The following CD8B2 variants were observed in gnomAD, a reference collection of about 807,000 sequenced individuals.
CD8B2 encodes T-cell surface glycoprotein CD8 beta-2 chain.
CD8B2 carries 11 observed loss-of-function variants against 23.7 expected under a neutral mutation model. The ratio of observed to expected loss-of-function variants is 0.46; its 90% CI spans 0.29 to 0.77. The LOEUF is 0.77. Ranked by LOEUF, CD8B2 falls within the 30% of genes least tolerant of loss-of-function variation. The pLI is 0.09. For synonymous variants in CD8B2, 90 were observed against 109.3 expected, an observed-to-expected ratio of 0.82 and a Z score of 1.10; for missense variants, 197 against 270.5, an observed-to-expected ratio of 0.73 and a Z score of 1.91.
intron 5 of CD8B2, among the ~76,000 whole-genome samples, chr2:106,531,859 A>G (rs926917837): frequency 6.6e-6 from 1 of 152,192 alleles, no homozygotes; most frequent in African/African-American, 2.4e-5. Context: ...TAGAACAAAC[A>G]AGCTACATCC....
At chr2:106,490,326 A>G (rs1407366923) in intron 1 of CD8B2, among the ~76,000 whole-genome samples, 2 of 152,004 alleles carry the variant, frequency 1.3e-5, no homozygotes, top group Non-Finnish European at 1.5e-5. Flanking sequence ...TGAACAAGTA[A>G]CTTCATGCCT....
intron 2 of CD8B2, among the ~76,000 whole-genome samples, chr2:106,493,436 C>T (rs145609679): frequency 0.063 from 9,653 of 152,248 alleles, 326 homozygotes; most frequent in Middle Eastern, 0.13. Flanking sequence ...ACCCAGGCGG[C>T]GGTGCCCAGC....
intron 5 of CD8B2, among the ~76,000 whole-genome samples, chr2:106,536,287 C>T (rs1680088157): frequency 6.6e-6 from 1 of 152,118 alleles, no homozygotes; most frequent in Non-Finnish European, 1.5e-5. Context: ...CTGCCTTGGC[C>T]TCCCAAAGTG....
chr2:106,505,911 C>T (rs1271273638), intron 5 of CD8B2, among the ~76,000 whole-genome samples: 4 of 152,260 alleles, frequency 2.6e-5, no homozygotes, highest in East Asian at 3.9e-4. Flanking sequence ...GCAGGTAGAT[C>T]GCCTGAGGTC....
intron 3 of CD8B2, among the ~76,000 whole-genome samples, 172 bp downstream of exon 3, chr2:106,496,434 C>T (rs112639354): frequency 0.026 from 3,940 of 152,046 alleles, 183 homozygotes; most frequent in African/African-American, 0.09. Flanking sequence ...CTCACAGTCT[C>T]GTGGGAGACA....
intron 5 of CD8B2, among the ~76,000 whole-genome samples, chr2:106,538,967 G>A (rs1444355002): frequency 6.6e-6 from 1 of 152,212 alleles, no homozygotes; most frequent in East Asian, 1.9e-4. Flanking sequence ...GTGATCAGTA[G>A]CTCATGAACT....
At chr2:106,505,678 T>C (rs1679491286) in intron 5 of CD8B2, among the ~76,000 whole-genome samples, 1 of 152,248 alleles carries the variant, frequency 6.6e-6, no homozygotes, top group African/African-American at 2.4e-5. Flanking sequence ...ATTATATTTA[T>C]ATCGAGAGTG....
chr2:106,493,596 G>A (rs1679238157), intron 2 of CD8B2, among the ~76,000 whole-genome samples: 1 of 152,112 alleles, frequency 6.6e-6, no homozygotes, highest in African/African-American at 2.4e-5. Flanking sequence ...CCAGGAGAGG[G>A]CCAGGCTCGT....
At chr2:106,539,444 C>T (rs1022707721) in intron 5 of CD8B2, among the ~76,000 whole-genome samples, 3 of 152,130 alleles carry the variant, frequency 2.0e-5, no homozygotes, top group Non-Finnish European at 4.4e-5. Context: ...GTTTCCACGC[C>T]AAAACATGGA....
intron 5 of CD8B2, among the ~76,000 whole-genome samples, chr2:106,539,963 G>T (rs527598298): frequency 2.2e-4 from 33 of 152,170 alleles, no homozygotes; most frequent in African/African-American, 7.7e-4. Flanking sequence ...GTGAATTTTG[G>T]TTTATTGTTA....
At chr2:106,537,489 G>A (rs1051595741) in intron 5 of CD8B2, among the ~76,000 whole-genome samples, 1 of 151,998 alleles carries the variant, frequency 6.6e-6, no homozygotes, top group Non-Finnish European at 1.5e-5. Flanking sequence ...TTTAAGTACA[G>A]TATGCACAGA....
intron 3 of CD8B2, among the ~76,000 whole-genome samples, chr2:106,500,478 C>T (rs1248279015): frequency 2.0e-5 from 3 of 151,392 alleles, no homozygotes; most frequent in Non-Finnish European, 4.4e-5. Flanking sequence ...CAGATCTCGC[C>T]ATTGCACTCC....
intron 3 of CD8B2, among the ~76,000 whole-genome samples, chr2:106,501,195 A>G (rs1420716512): frequency 6.6e-6 from 1 of 152,122 alleles, no homozygotes; most frequent in Non-Finnish European, 1.5e-5. Context: ...GTTATTTGTA[A>G]AAGTAAAACA....
At chr2:106,498,566 C>T (rs1679343089) in intron 3 of CD8B2, among the ~76,000 whole-genome samples, 1 of 152,074 alleles carries the variant, frequency 6.6e-6, no homozygotes, top group Non-Finnish European at 1.5e-5. Flanking sequence ...TGGAGTAAGG[C>T]TGGGGATGGG....
chr2:106,492,316 T>G (rs1459111858), intron 2 of CD8B2, among the ~76,000 whole-genome samples: 1 of 152,220 alleles, frequency 6.6e-6, no homozygotes, highest in African/African-American at 2.4e-5. Context: ...TTTAAAGTCA[T>G]GTTTAAAAAA....
intron 5 of CD8B2, among the ~76,000 whole-genome samples, chr2:106,504,530 G>A (rs915360368): frequency 9.2e-5 from 14 of 151,970 alleles, no homozygotes; most frequent in Non-Finnish European, 1.9e-4. Context: ...AGGCTGCAGT[G>A]AGCTATGATG....
At chr2:106,539,744 C>T (rs73952252) in intron 5 of CD8B2, among the ~76,000 whole-genome samples, 2,284 of 152,274 alleles carry the variant, frequency 0.015, 56 homozygotes, top group African/African-American at 0.051. Context: ...GACGGATACA[C>T]GGCTTGGAAA....
At chr2:106,540,570 C>CT (rs762740462) in intron 5 of CD8B2, among the ~76,000 whole-genome samples, 9,885 of 146,508 alleles carry the variant, frequency 0.067, 388 homozygotes, top group Non-Finnish European at 0.1. Context: ...CCAAATACTC[C>CT]TTTTTTTTTT....
intron 3 of CD8B2, among the ~76,000 whole-genome samples, chr2:106,499,221 C>G (rs1679354155): frequency 6.6e-6 from 1 of 152,126 alleles, no homozygotes; most frequent in Non-Finnish European, 1.5e-5. Context: ...CCTGCACCCA[C>G]CTCCATTACA....
Sources: gnomAD v4.1 joint callset for allele counts (sites outside exome capture counted in the v4.1 genomes callset) on GRCh38, gnomAD v4.1.1 for gene constraint, MANE v1.5 for transcripts, NCBI Gene and HGNC (gene_info 2026-07-23, HGNC 2026-07-21) for gene names.